Variants in RARA observed in about 807,000 individuals in gnomAD.
RARA encodes retinoic acid receptor alpha.
RARA carries 5 observed loss-of-function variants against 42.8 expected under a neutral mutation model. That is an observed-to-expected ratio of 0.12 (90% CI 0.06 to 0.25). The LOEUF is 0.25. Among genes scored for constraint, RARA ranks in the 10% least tolerant of loss-of-function variants. RARA has a pLI of 1.00. For missense variants in RARA, 402 were observed against 628.7 expected, an observed-to-expected ratio of 0.64 and a Z score of 3.86; for synonymous variants, 256 against 259.5, an observed-to-expected ratio of 0.99 and a Z score of 0.13.
intron 2 of RARA, among the ~76,000 whole-genome samples, chr17:40,339,958 G>A (rs1433731036): frequency 6.6e-6 from 1 of 152,086 alleles, no homozygotes; most frequent in African/African-American, 2.4e-5. Flanking sequence ...CCTGCCCCCA[G>A]ACCCCAGCAT....
intron 2 of RARA, among the ~76,000 whole-genome samples, chr17:40,334,079 G>C (rs532845390): frequency 6.6e-6 from 1 of 152,212 alleles, no homozygotes; most frequent in Non-Finnish European, 1.5e-5. Context: ...GGTTGGAGGT[G>C]GGGGCTGGGG....
intron 1 of RARA, among the ~76,000 whole-genome samples, chr17:40,329,906 A>C (rs140446425): frequency 6.6e-6 from 1 of 152,020 alleles, no homozygotes; most frequent in Non-Finnish European, 1.5e-5. Context: ...CCTCGTATGG[A>C]TATGTTCTTC....
At position 40,351,126 on chromosome 17, in the gene RARA, ACTCTCC is replaced by A. The variant is rs200353854; in HGVS notation, c.470-769_470-764del. ...TTTTCTCTTCCCAAATTATCCCCCCACTCTCCCTCTCCCTCTCCCTTCTCTCCCCTG... is the reference window on the plus strand; with the variant it reads ...TTTTCTCTTCCCAAATTATCCCCCCACTCTCCCTCTCCCTTCTCTCCCCTG... On this transcript the variant is annotated intron_variant, in intron 4 of 8. Transcript: ENST00000254066. This position sits in a 1 kb window ranked among gnomAD's most constrained non-coding sequence, Gnocchi z 4.1. Among the ~76,000 whole-genome samples the A allele has an allele frequency of 0.011, 1,550 of 140,252 alleles. 16 individuals carry two copies. Among genetic ancestry groups the A allele is most frequent in the Non-Finnish European group, 0.019 (1,207 of 64,232 alleles). The allele number at this position is 140,252 out of a possible 152,430, so 92.0% of individuals were successfully genotyped here.
At chr17:40,325,388 G>T (rs2033511899) in intron 1 of RARA, among the ~76,000 whole-genome samples, 1 of 152,196 alleles carries the variant, frequency 6.6e-6, no homozygotes, top group Non-Finnish European at 1.5e-5. Flanking sequence ...TTGTAGGCTT[G>T]CCAGGGAGGA....
intron 1 of RARA, among the ~76,000 whole-genome samples, chr17:40,315,591 G>A (rs1358684967): frequency 6.6e-6 from 1 of 152,092 alleles, no homozygotes; most frequent in African/African-American, 2.4e-5. Context: ...CCCGCACCAT[G>A]GTCTTGGAGG....
At chr17:40,313,907 G>C (rs773466623) in intron 1 of RARA, among the ~76,000 whole-genome samples, 8 of 151,990 alleles carry the variant, frequency 5.3e-5, no homozygotes, top group Non-Finnish European at 1.0e-4. Context: ...AACTCTCCTT[G>C]GGCCCCACCA....
At chr17:40,340,067 C>T (rs945091409) in intron 2 of RARA, among the ~76,000 whole-genome samples, 7 of 152,176 alleles carry the variant, frequency 4.6e-5, no homozygotes, top group African/African-American at 1.4e-4. Context: ...TTCACTGATG[C>T]GTAAGTCACA....
intron 2 of RARA, chr17:40,342,938 G>A: frequency 3.9e-6 from 6 of 1,540,674 alleles, no homozygotes; most frequent in Admixed American, 3.7e-5. Context: ...CTACTACTCG[G>A]GGGTGAGAGT....
At chr17:40,348,121 G>A in intron 2 of RARA, 195 bp from the exon 3 acceptor site, 1 of 529,488 alleles carries the variant, frequency 1.9e-6, no homozygotes, top group Non-Finnish European at 3.2e-6. Flanking sequence ...GAGGAGTGAT[G>A]GGGTGCTGGA....
At chr17:40,311,009 T>A (rs1409179572) in intron 1 of RARA, among the ~76,000 whole-genome samples, 2 of 152,138 alleles carry the variant, frequency 1.3e-5, no homozygotes, top group Non-Finnish European at 2.9e-5. Flanking sequence ...AGAGCACCTG[T>A]GGTCACAGAG....
At position 40,320,751 on chromosome 17, in the gene RARA, T is replaced by C. The variant is rs1156478792; in HGVS notation, c.-362-10106T>C. Among the ~76,000 whole-genome samples, 1 of 152,132 alleles carries C rather than the reference T, an allele frequency of 6.6e-6. No individual in the cohort carries two copies. Among genetic ancestry groups the C allele is most frequent in the Non-Finnish European group, 1.5e-5 (1 of 68,014 alleles). On this transcript the variant is annotated intron_variant, in intron 1 of 8. Coordinates refer to ENST00000254066, the MANE Select transcript of RARA (RefSeq NM_000964.4). The surrounding 1 kb of genome is among the most constrained non-coding windows in gnomAD (Gnocchi z 4.1). Reference sequence around the variant, plus strand: ...GCTGGAGGGGTGGTTTCTTTTGACCTCTGTGGGGTCTATTAATATTTGGGA... The same window carrying C: ...GCTGGAGGGGTGGTTTCTTTTGACCCCTGTGGGGTCTATTAATATTTGGGA...
intron 2 of RARA, among the ~76,000 whole-genome samples, chr17:40,347,067 A>AT (rs1336649904): frequency 1.3e-5 from 2 of 152,112 alleles, no homozygotes; most frequent in Admixed American, 6.5e-5. Flanking sequence ...CTGTGCCCCA[A>AT]TTTTAGGGCC....
chr17:40,312,351 A>T (rs980955279), intron 1 of RARA, among the ~76,000 whole-genome samples: 7 of 152,220 alleles, frequency 4.6e-5, no homozygotes, highest in Admixed American at 3.9e-4. Context: ...CAGGATGGCC[A>T]AGTTGGCGCT....
At chr17:40,323,750 C>T (rs1598540989) in intron 1 of RARA, among the ~76,000 whole-genome samples, 1 of 48,836 alleles carries the variant, frequency 2.0e-5, no homozygotes, top group South Asian at 5.3e-4. Context: ...GTCAATGGGT[C>T]GGAGGGGGGG....
Position 40,349,861 on chromosome 17 carries a change from G to T in RARA, c.405G>T (p.Val135=), listed in dbSNP as rs2034386507. The change falls in exon 4 of 9, where the codon GTG becomes GTT. Residue 135 remains valine, a synonymous_variant. Transcript: ENST00000254066. The part of the protein sequence containing the change: ...HRDKNCIINK[V]TRNRCQYCRL... ...ACAAGAACTGCATCATCAACAAGGT[G>T]ACCCGGAACCGCTGCCAGTACTGCC... 6.2e-7 allele frequency: 1 copy of T among 1,614,128 alleles called. No homozygotes were observed. Among genetic ancestry groups the T allele is most frequent in the African/African-American group, 1.3e-5 (1 of 74,950 alleles).
chr17:40,318,288 G>C (rs1046734662), intron 1 of RARA: 9 of 152,454 alleles, frequency 5.9e-5, no homozygotes, highest in African/African-American at 1.9e-4. Context: ...CACGTGACTC[G>C]CTATGGCCGC....
intron 2 of RARA, among the ~76,000 whole-genome samples, chr17:40,335,920 A>G (rs1598557124): frequency 6.7e-6 from 1 of 150,118 alleles, no homozygotes; most frequent in African/African-American, 2.5e-5. Context: ...GGAGGATTGC[A>G]TGAGCCTGAG....
At chr17:40,341,886 C>T (rs967608946) in intron 2 of RARA, 2 of 1,039,564 alleles carry the variant, frequency 1.9e-6, no homozygotes, top group Non-Finnish European at 2.5e-6. Flanking sequence ...GCAGCCCCCT[C>T]CTCTCCCTGT....
Position 40,356,193 on chromosome 17 carries a change from C to T in RARA, c.1356C>T (p.Ser452=). Reference sequence around the variant, plus strand: ...GTAGCCCCAGCCTCAGCCCCAGCTCCAACAGAAGCAGCCCGGCCACCCACT... The same window carrying T: ...GTAGCCCCAGCCTCAGCCCCAGCTCTAACAGAAGCAGCCCGGCCACCCACT... ...GSCSPSLSPS[S]NRSSPATHSP is the part of the protein sequence containing the mutation. The change falls in exon 9 of 9, where the codon TCC becomes TCT. Residue 452 remains serine, a synonymous_variant. Coordinates refer to ENST00000254066, the MANE Select transcript of RARA (RefSeq NM_000964.4). 1 of 1,550,410 alleles carries T rather than the reference C, an allele frequency of 6.4e-7. No individual in the cohort carries two copies. The highest frequency in any genetic ancestry group is 8.7e-7 in the Non-Finnish European group (1 of 1,147,056).
Sources: allele counts gnomAD v4.1 joint callset (sites outside exome capture counted in the v4.1 genomes callset), GRCh38; gene constraint gnomAD v4.1.1; non-coding constraint Gnocchi (gnomAD v3.1); transcripts MANE v1.5; gene names NCBI Gene and HGNC (gene_info 2026-07-23, HGNC 2026-07-21).